Variants in PSG1 observed in about 807,000 individuals in gnomAD.
The protein encoded by PSG1 is pregnancy specific beta-1-glycoprotein 1.
In PSG1, 60 loss-of-function variants were observed where a neutral mutation model predicts 41.4. The observed-to-expected ratio is 1.45, with a 90% CI of 1.18 to 1.80. The LOEUF is 1.80. Ranked by LOEUF, PSG1 falls within the 40% of genes most tolerant of loss-of-function variation. The pLI, the probability that PSG1 is intolerant of heterozygous loss-of-function variation, is 0.00. For synonymous variants in PSG1, 256 were observed against 192.9 expected (o/e 1.33, Z -2.71); for missense variants, 806 against 516.9 (o/e 1.56, Z -5.42).
At chr19:42,875,788 C>T (rs1240349235) in intron 2 of PSG1, among the ~76,000 whole-genome samples, 1 of 150,864 alleles carries the variant, frequency 6.6e-6, no homozygotes, top group Non-Finnish European at 1.5e-5. Flanking sequence ...TTACTGCAAA[C>T]CGCCATTTCA....
rs1292473186 is a variant in PSG1 at position 42,871,560 on chromosome 19, C to T, written c.709+207G>A. Among the ~76,000 whole-genome samples the T allele has an allele frequency of 6.6e-5, 10 of 151,700 alleles. 1 individual carries two copies. The highest frequency in any genetic ancestry group is 4.6e-4 in the Admixed American group (7 of 15,194). On this transcript the variant is annotated intron_variant, in intron 3 of 5. Coordinates refer to ENST00000436291, the MANE Select transcript of PSG1 (RefSeq NM_001184825.2). ...CCATCACAAGCTGTGGACCCTGAGT[C>T]TCCCATGACAGGAGCAGCCTCTTTT...
At position 42,866,885 on chromosome 19, in the gene PSG1, A is replaced by G; in HGVS notation, c.*249T>C. ...CATCATGATGGGGAGTCTTGTTCTGACATCTTGGGAAAAACTGTCCACAGT... is the reference window on the plus strand; with the variant it reads ...CATCATGATGGGGAGTCTTGTTCTGGCATCTTGGGAAAAACTGTCCACAGT... On this transcript the variant is annotated 3_prime_UTR_variant, in exon 6 of 6. Coordinates refer to ENST00000436291, the MANE Select transcript of PSG1 (RefSeq NM_001184825.2). 1 of 654,916 alleles carries G rather than the reference A, an allele frequency of 1.5e-6. No individual in the cohort carries two copies. The highest frequency in any genetic ancestry group is 1.7e-5 in the South Asian group (1 of 58,310). The allele number at this position is 654,916 out of a possible 1,614,324, so 40.6% of individuals were successfully genotyped here. A position where few individuals can be genotyped will look rare whatever the true frequency, so the allele number is the denominator to read the frequency against.
Position 42,871,690 on chromosome 19 carries a change from G to A in PSG1, c.709+77C>T, listed in dbSNP as rs1440543352. 24 of 1,612,044 alleles carry A rather than the reference G, an allele frequency of 1.5e-5. 1 individual carries two copies. The highest frequency in any genetic ancestry group is 2.0e-5 in the Non-Finnish European group (23 of 1,179,042). Reference sequence around the variant, plus strand: ...AAAGGTCTCTGTATTGGACCTGAGAGGGACAGAGAGGCCTGGCCTCTGGCC... The same window carrying A: ...AAAGGTCTCTGTATTGGACCTGAGAAGGACAGAGAGGCCTGGCCTCTGGCC... On this transcript the variant is annotated intron_variant, in intron 3 of 5. Coordinates refer to ENST00000436291, the MANE Select transcript of PSG1 (RefSeq NM_001184825.2).
chr19:42,877,026 G>A (rs1368413515), intron 2 of PSG1, among the ~76,000 whole-genome samples: 3 of 151,632 alleles, frequency 2.0e-5, no homozygotes, highest in South Asian at 2.1e-4. Flanking sequence ...AAGCTAAATG[G>A]CAAATGGACT....
At chr19:42,872,548 G>T (rs1971438533) in intron 2 of PSG1, among the ~76,000 whole-genome samples, 2 of 151,682 alleles carry the variant, frequency 1.3e-5, no homozygotes, top group Admixed American at 6.6e-5. Context: ...CTGGGACTGG[G>T]TATTCTAGCA....
chr19:42,873,481 T>A (rs1971478854), intron 2 of PSG1, among the ~76,000 whole-genome samples: 1 of 151,656 alleles, frequency 6.6e-6, no homozygotes, highest in African/African-American at 2.4e-5. Flanking sequence ...ATATTCTGAC[T>A]CTAGTAACAA....
rs534400133 is a variant in PSG1 at position 42,877,194 on chromosome 19, C to T, written c.430+719G>A. Among the ~76,000 whole-genome samples, 44 of 151,614 alleles carry T rather than the reference C, an allele frequency of 2.9e-4. 2 individuals are homozygous for T. The highest frequency in any genetic ancestry group is 5.4e-4 in the Non-Finnish European group (37 of 67,902). ...CAGATCCCTGTGGACAAGCTGCTAC[C>T]TGGTACATCTTCTCTCTTCTGTTTC... On this transcript the variant is annotated intron_variant, in intron 2 of 5. Coordinates refer to ENST00000436291, the MANE Select transcript of PSG1 (RefSeq NM_001184825.2).
In PSG1 at chr19:42,866,633, C is replaced by G. The variant is rs754868179; in HGVS notation, c.*501G>C. 1.7e-5 allele frequency: 4 copies of G among 235,118 alleles called. No individual in the cohort carries two copies. Among genetic ancestry groups the G allele is most frequent in the Admixed American group, 5.1e-5 (1 of 19,784 alleles). The allele number at this position is 235,118 out of a possible 1,614,324, so 14.6% of individuals were successfully genotyped here. A position where few individuals can be genotyped will look rare whatever the true frequency, so the allele number is the denominator to read the frequency against. ...ATACAAACCATCTTCTCTGCAAACACACAGGCAATATCTCTGTGTTCATTT... is the reference window on the plus strand; with the variant it reads ...ATACAAACCATCTTCTCTGCAAACAGACAGGCAATATCTCTGTGTTCATTT... On this transcript the variant is annotated 3_prime_UTR_variant, in exon 6 of 6. Transcript: ENST00000436291.
chr19:42,872,015 C>A lies in PSG1; in HGVS notation c.461G>T (p.Ser154Ile). The A allele has an allele frequency of 1.2e-6, 2 of 1,612,264 alleles. No homozygotes were observed. Reference protein sequence around the residue: ...LETPKPSISSSNLNPRETMEA... With the variant: ...LETPKPSISSINLNPRETMEA... ...CATGGTCTCCCTGGGATTTAAGTTGCTGCTGGAGATGGAGGGCTTAGGAGT... is the reference window on the plus strand; with the variant it reads ...CATGGTCTCCCTGGGATTTAAGTTGATGCTGGAGATGGAGGGCTTAGGAGT... Residue 154 changes from serine to isoleucine, a missense_variant, in exon 3 of 6, where the codon AGC becomes ATC. Transcript: ENST00000436291.
Position 42,876,359 on chromosome 19 carries a change from T to A in PSG1, c.430+1554A>T, listed in dbSNP as rs546284262. Among the ~76,000 whole-genome samples, 28 of 151,288 alleles carry A rather than the reference T, an allele frequency of 1.9e-4. 2 individuals carry two copies. In the South Asian group the frequency reaches 5.9e-3, roughly 32 times the overall value. On this transcript the variant is annotated intron_variant, in intron 2 of 5. Coordinates refer to ENST00000436291, the MANE Select transcript of PSG1 (RefSeq NM_001184825.2). ...AGAACCCTCCGGTGGCTTAAGAGCT[T>A]CAGAATTACATGAGGTGGGGTGGCT...
chr19:42,878,975 T>A (rs1971745061), intron 1 of PSG1, among the ~76,000 whole-genome samples: 2 of 151,398 alleles, frequency 1.3e-5, no homozygotes, highest in African/African-American at 4.9e-5. Context: ...ATAGTTATTA[T>A]TATCATTTTT....
Position 42,869,030 on chromosome 19 carries a change from C to T in PSG1, c.714G>A (p.Lys238=). 6.2e-7 allele frequency: 1 copy of T among 1,608,114 alleles called. No individual in the cohort carries two copies. Among genetic ancestry groups the T allele is most frequent in the Middle Eastern group, 2.1e-4 (1 of 4,758 alleles). ...SDPVTLNLLP[K]LPKPYITINN... Reference sequence around the variant, plus strand: ...TGATGGTGATGTAGGGCTTGGGCAGCTTCGCTGTGTGGATAACAGAGAGAA... The same window carrying T: ...TGATGGTGATGTAGGGCTTGGGCAGTTTCGCTGTGTGGATAACAGAGAGAA... The change falls in exon 4 of 6, where the codon AAG becomes AAA. Residue 238 remains lysine (K), a synonymous_variant. Transcript: ENST00000436291.
rs528186156 is a variant in PSG1 at position 42,873,579 on chromosome 19, G to A, written c.431-1534C>T. 1.2e-3 allele frequency among the ~76,000 whole-genome samples: 178 copies of A among 151,830 alleles called. 7 individuals are homozygous for A. The highest frequency in any genetic ancestry group is 2.9e-3 in the Admixed American group (44 of 15,202). On this transcript the variant is annotated intron_variant, in intron 2 of 5. Coordinates refer to ENST00000436291, the MANE Select transcript of PSG1 (RefSeq NM_001184825.2). ...CATCTAAGATCAATTGCTGGTAGTA[G>A]TATTTCTCTTGAGACCAAAATAAGG...
At chr19:42,877,590 C>G (rs970223157) in intron 2 of PSG1, among the ~76,000 whole-genome samples, 5 of 151,708 alleles carry the variant, frequency 3.3e-5, no homozygotes, top group Non-Finnish European at 7.4e-5. Flanking sequence ...AAGCCCTACT[C>G]AGTTATCCAG....
At position 42,868,791 on chromosome 19, in the gene PSG1, C is replaced by T. The variant is rs747462921; in HGVS notation, c.953G>A (p.Gly318Asp). The change falls in exon 4 of 6, where the codon GGC (glycine) becomes GAC (aspartate). Residue 318 changes from glycine to aspartate, a missense_variant. Coordinates refer to ENST00000436291, the MANE Select transcript of PSG1 (RefSeq NM_001184825.2). ...CAGGGTGACTGGGTCACTGCGGATG[C>T]CACCATATCGGTCCCGTATTTCACA... ...YQCEIRDRYG[G>D]IRSDPVTLNV... is the part of the protein sequence containing the mutation. The T allele has an allele frequency of 4.3e-6, 7 of 1,611,934 alleles. No individual in the cohort carries two copies. The highest frequency in any genetic ancestry group is 1.3e-5 in the African/African-American group (1 of 74,674).
rs984567198 is a variant in PSG1, at chr19:42,879,510, C to G, written c.64+8G>C. On this transcript the variant is annotated splice_region_variant and intron_variant, in intron 1 of 5. Coordinates refer to ENST00000436291, the MANE Select transcript of PSG1 (RefSeq NM_001184825.2). ...CTCCTGTCCTCTCCCAGGAAGTTCT[C>G]TCCTCACCTGTGAGCAGGAGCCCCT... The G allele has an allele frequency of 1.5e-5, 24 of 1,609,458 alleles. No individual in the cohort carries two copies. Among genetic ancestry groups the G allele is most frequent in the Non-Finnish European group, 2.0e-5 (24 of 1,177,308 alleles).
At chr19:42,874,965 A>T (rs1971544068) in intron 2 of PSG1, among the ~76,000 whole-genome samples, 1 of 151,892 alleles carries the variant, frequency 6.6e-6, no homozygotes, top group African/African-American at 2.4e-5. Context: ...CCTGACAGGA[A>T]GCCAGAAGTC....
At chr19:42,877,889 C>G (rs774151620) in intron 2 of PSG1, 24 bp downstream of exon 2, 3 of 1,612,010 alleles carry the variant, frequency 1.9e-6, no homozygotes, top group Non-Finnish European at 2.5e-6. Flanking sequence ...CCCCAACACC[C>G]AGGGATCATG....
rs147901862 is a variant in PSG1 at position 42,877,935 on chromosome 19, T to G, written c.408A>C (p.Gly136=). The change falls in exon 2 of 6, where the codon GGA becomes GGC. Residue 136 remains glycine, a synonymous_variant. Coordinates refer to ENST00000436291, the MANE Select transcript of PSG1 (RefSeq NM_001184825.2). ...TACGGTGTAAGGTGAAGGTGAAACGTCCAGTTACTCCTCTAGTCCCATCAT... is the reference window on the plus strand; with the variant it reads ...TACGGTGTAAGGTGAAGGTGAAACGGCCAGTTACTCCTCTAGTCCCATCAT... ...KGDDGTRGVT[G]RFTFTLHLET... 73 of 1,612,120 alleles carry G rather than the reference T, an allele frequency of 4.5e-5. No individual in the cohort carries two copies. The highest frequency in any genetic ancestry group is 1.7e-5 in the Admixed American group (1 of 59,862).
Sources: allele counts gnomAD v4.1 joint callset (sites outside exome capture counted in the v4.1 genomes callset), GRCh38; gene constraint gnomAD v4.1.1; transcripts MANE v1.5; gene names NCBI Gene and HGNC (gene_info 2026-07-23, HGNC 2026-07-21).